The following DOC2B variants were observed in gnomAD, a reference collection of about 807,000 sequenced individuals.
DOC2B encodes double C2-like domain-containing protein beta.
Under a neutral mutation model 28.9 loss-of-function variants are expected in DOC2B, and 21 were observed. That is an observed-to-expected ratio of 0.73 (90% CI 0.52 to 1.05). The LOEUF (loss-of-function observed/expected upper bound fraction) is 1.05. DOC2B is among the 50% of genes least tolerant of loss of function. DOC2B has a pLI of 0.00. For synonymous variants in DOC2B, 194 were observed against 178.1 expected (o/e 1.09, Z -0.71); for missense variants, 384 against 421.1 (o/e 0.91, Z 0.77).
At chr17:159,978 C>CTT (rs112120859) in intron 5 of DOC2B, among the ~76,000 whole-genome samples, 9 of 135,252 alleles carry the variant, frequency 6.7e-5, no homozygotes, top group African/African-American at 1.6e-4. Context: ...GCTGGTGTTG[C>CTT]TTTTTTTTTT....
At chr17:174,315 T>G (rs1349497602) in intron 1 of DOC2B, among the ~76,000 whole-genome samples, 2 of 152,252 alleles carry the variant, frequency 1.3e-5, no homozygotes, top group Non-Finnish European at 2.9e-5. Flanking sequence ...CTCAGTTTAC[T>G]CATCTGTGAA....
chr17:173,707 C>T (rs1174024779), intron 1 of DOC2B, among the ~76,000 whole-genome samples: 1 of 152,172 alleles, frequency 6.6e-6, no homozygotes, highest in Non-Finnish European at 1.5e-5. Context: ...TCACCTGAGC[C>T]ATGAGGGATG....
At chr17:153,607 A>G (rs980918934) in intron 6 of DOC2B, among the ~76,000 whole-genome samples, 1 of 151,966 alleles carries the variant, frequency 6.6e-6, no homozygotes, top group African/African-American at 2.4e-5. Flanking sequence ...AAGCTGAGGG[A>G]TGAGAACTGC....
At chr17:174,510 GA>G (rs1385071697) in intron 1 of DOC2B, among the ~76,000 whole-genome samples, 1 of 152,078 alleles carries the variant, frequency 6.6e-6, no homozygotes, top group Non-Finnish European at 1.5e-5. Context: ...CTGCCTTTGG[GA>G]ACAGAACATA....
chr17:155,950 AGAGGCCTG>A (rs996113646), intron 6 of DOC2B: 1 of 432,668 alleles, frequency 2.3e-6, no homozygotes, highest in African/African-American at 2.1e-5. Context: ...TCAGTCACAG[AGAGGCCTG>A]GACATAGCAT....
chr17:156,020 T>C, intron 6 of DOC2B, 200 bp downstream of exon 6: 1 of 593,402 alleles, frequency 1.7e-6, no homozygotes, highest in Non-Finnish European at 2.9e-6. Flanking sequence ...AGCTTCTCTG[T>C]CCCTCAGTTT....
At position 157,524 on chromosome 17, in the gene DOC2B, T is replaced by C. The variant is rs189721567; in HGVS notation, c.766-1147A>G. The stretch of plus-strand genomic sequence containing the variant: ...TCACCCAGGCTGGAGTGCAGTGGCA[T>C]GATCTTGGCTCACTACAACCTCTGC... On this transcript the variant is annotated intron_variant, in intron 5 of 8. Transcript: ENST00000613549. Among the ~76,000 whole-genome samples, 218 of 152,326 alleles carry C rather than the reference T, an allele frequency of 1.4e-3. 1 individual carries two copies. The highest frequency in any genetic ancestry group is 5.0e-3 in the African/African-American group (207 of 41,566).
rs556730853 is a variant in DOC2B, at chr17:169,238, C to T, written c.453+3299G>A. Among the ~76,000 whole-genome samples, 63 of 152,050 alleles carry T rather than the reference C, an allele frequency of 4.1e-4. No homozygotes were observed. In the East Asian group the frequency reaches 0.011, roughly 26 times the overall value. ...AAGGCAGACTCAAAAGGACAGATCCCGGGGACTGCAGACTCAAAAGGACAG... is the reference window on the plus strand; with the variant it reads ...AAGGCAGACTCAAAAGGACAGATCCTGGGGACTGCAGACTCAAAAGGACAG... On this transcript the variant is annotated intron_variant, in intron 2 of 8. Coordinates refer to ENST00000613549, the MANE Select transcript of DOC2B (RefSeq NM_003585.5).
chr17:174,066 C>T lies in DOC2B; in HGVS notation c.374-1450G>A, dbSNP rs573632655. Among the ~76,000 whole-genome samples, 13 of 152,294 alleles carry T rather than the reference C, an allele frequency of 8.5e-5. No homozygotes were observed. In the South Asian group the frequency reaches 2.5e-3, roughly 29 times the overall value. On this transcript the variant is annotated intron_variant, in intron 1 of 8. Coordinates refer to ENST00000613549, the MANE Select transcript of DOC2B (RefSeq NM_003585.5). ...GCTGGGCCCAGGCATAACAAAGTTTCTTGGGTCTGCAGGGAAATTGGCTAA... is the reference window on the plus strand; with the variant it reads ...GCTGGGCCCAGGCATAACAAAGTTTTTTGGGTCTGCAGGGAAATTGGCTAA...
At chr17:152,537 C>G (rs893987896) in intron 6 of DOC2B, among the ~76,000 whole-genome samples, 2 of 152,056 alleles carry the variant, frequency 1.3e-5, no homozygotes. Context: ...GGAGGCCGAG[C>G]TAGGAGGATC....
Position 145,426 on chromosome 17 carries a change from T to A in DOC2B, c.*2015A>T, listed in dbSNP as rs1212675412. The A allele has an allele frequency of 6.6e-6, 1 of 152,186 alleles. No individual in the cohort carries two copies. The highest frequency in any genetic ancestry group is 1.5e-5 in the Non-Finnish European group (1 of 68,050). 9.4% of individuals were successfully genotyped at this position (152,186 alleles called of 1,614,324 possible). On this transcript the variant is annotated 3_prime_UTR_variant, in exon 9 of 9. Coordinates refer to ENST00000613549, the MANE Select transcript of DOC2B (RefSeq NM_003585.5). ...CTGGGAACCTGTTTCACCTGCAAGA[T>A]GGGGATGAGAATCAAACCCACCTTG...
intron 5 of DOC2B, among the ~76,000 whole-genome samples, chr17:159,041 T>TAA (rs112706180): frequency 0.11 from 14,876 of 139,620 alleles, 968 homozygotes; most frequent in Non-Finnish European, 0.14. Flanking sequence ...CTCCATCTCA[T>TAA]AAAAAAAAAA....
chr17:152,726 C>T (rs751966085), intron 6 of DOC2B, among the ~76,000 whole-genome samples: 24 of 152,276 alleles, frequency 1.6e-4, no homozygotes, highest in Middle Eastern at 3.4e-3. Context: ...GAGCTGTGAT[C>T]GCATCACTGC....
rs895558086 is a variant in DOC2B, at chr17:144,755, A to G, written c.*2686T>C. On this transcript the variant is annotated 3_prime_UTR_variant, in exon 9 of 9. Coordinates refer to ENST00000613549, the MANE Select transcript of DOC2B (RefSeq NM_003585.5). The stretch of plus-strand genomic sequence containing the variant: ...GCCCCATTTGCACAGCCTGGGCAGT[A>G]GAGGGCCCTGGACTGGGGGGCTGGA... The G allele has an allele frequency of 0.029, 4,470 of 152,328 alleles. 83 individuals are homozygous for G. The highest frequency in any genetic ancestry group is 0.045 in the Non-Finnish European group (3,064 of 68,066). The allele number at this position is 152,328 out of a possible 1,614,324, so 9.4% of individuals were successfully genotyped here. A position where few individuals can be genotyped will look rare whatever the true frequency, so the allele number is the denominator to read the frequency against.
At chr17:151,567 T>G (rs894955663) in intron 6 of DOC2B, among the ~76,000 whole-genome samples, 16 of 152,194 alleles carry the variant, frequency 1.1e-4, no homozygotes, top group Non-Finnish European at 1.9e-4. Flanking sequence ...TTAAAAAAGT[T>G]TGGGGGGATT....
At chr17:174,205 G>A (rs2040343854) in intron 1 of DOC2B, among the ~76,000 whole-genome samples, 1 of 152,208 alleles carries the variant, frequency 6.6e-6, no homozygotes, top group Non-Finnish European at 1.5e-5. Flanking sequence ...CTTCGCAGCA[G>A]TGTGGGGTGC....
chr17:159,925 T>G (rs1487404739), intron 5 of DOC2B, among the ~76,000 whole-genome samples: 1 of 149,892 alleles, frequency 6.7e-6, no homozygotes, highest in Non-Finnish European at 1.5e-5. Flanking sequence ...CACGTGGTTG[T>G]TTGTTTATGC....
At chr17:161,588 T>C (rs1351609112) in intron 4 of DOC2B, 47 bp from the exon 5 acceptor site, 4 of 1,549,780 alleles carry the variant, frequency 2.6e-6, no homozygotes, top group Non-Finnish European at 3.5e-6. Context: ...TCAGACGCAC[T>C]GGGCATGGTG....
chr17:180,338 C>T (rs1185994552), intron 1 of DOC2B, among the ~76,000 whole-genome samples: 2 of 152,094 alleles, frequency 1.3e-5, no homozygotes, highest in African/African-American at 4.8e-5. Context: ...GCCTCGGTCC[C>T]GGGACTCCGG....
Sources: allele counts gnomAD v4.1 joint callset (sites outside exome capture counted in the v4.1 genomes callset), GRCh38; gene constraint gnomAD v4.1.1; transcripts MANE v1.5; gene names NCBI Gene and HGNC (gene_info 2026-07-23, HGNC 2026-07-21).